Variants in IDE observed in about 807,000 individuals in gnomAD.
The protein encoded by IDE is insulin-degrading enzyme.
In IDE, 58 loss-of-function variants were observed where a neutral mutation model predicts 133.2. The ratio of observed to expected loss-of-function variants is 0.44; its 90% CI spans 0.35 to 0.54. The LOEUF is 0.54. IDE is among the 20% of genes least tolerant of loss of function. The probability of loss-of-function intolerance (pLI) is 0.00; values close to 1 mark genes in which losing one functional copy is unlikely to be tolerated. For missense variants in IDE, 981 were observed against 1,234.0 expected (o/e 0.79, Z 3.07); for synonymous variants, 396 against 421.3 (o/e 0.94, Z 0.73).
At chr10:92,487,044 T>C in intron 13 of IDE, 152 bp downstream of exon 13, 2 of 645,336 alleles carry the variant, frequency 3.1e-6, no homozygotes, top group East Asian at 2.9e-5. Flanking sequence ...CTAATATTTT[T>C]TGTAGTTATT....
intron 22 of IDE, among the ~76,000 whole-genome samples, chr10:92,460,156 T>C (rs939445703): frequency 1.3e-5 from 2 of 152,284 alleles, no homozygotes; most frequent in African/African-American, 4.8e-5. Context: ...CTCTTAAAGC[T>C]TGCTGGGAAG....
intron 2 of IDE, among the ~76,000 whole-genome samples, chr10:92,535,854 G>A (rs1282681256): frequency 6.6e-6 from 1 of 152,080 alleles, no homozygotes; most frequent in Non-Finnish European, 1.5e-5. Flanking sequence ...TGGCCTACAT[G>A]GCAAAACCTC....
intron 11 of IDE, among the ~76,000 whole-genome samples, chr10:92,491,452 C>G (rs982262184): frequency 6.6e-6 from 1 of 152,002 alleles, no homozygotes; most frequent in Admixed American, 6.6e-5. Flanking sequence ...ATGTCTACTA[C>G]AAATACACAG....
chr10:92,493,278 T>C (rs1847474021), intron 11 of IDE, among the ~76,000 whole-genome samples: 1 of 152,184 alleles, frequency 6.6e-6, no homozygotes, highest in Non-Finnish European at 1.5e-5. Flanking sequence ...TCCACTTTTG[T>C]TGATTTCTCA....
Position 92,506,463 on chromosome 10 carries a change from AGATGT to A in IDE, c.1300_1304del (p.Thr434Ter). 1 of 1,575,284 alleles carries A rather than the reference AGATGT, an allele frequency of 6.3e-7. No homozygotes were observed. ...TTACATGCAATATTCCTGCAATCTT[AGATGT>A]ATAGCCCCGTGGCCTCTCTTTGTCT... On this transcript the variant is annotated frameshift_variant, in exon 10 of 25. Coordinates refer to ENST00000265986, the MANE Select transcript of IDE (RefSeq NM_004969.4). LOFTEE classifies it high-confidence loss of function.
At chr10:92,477,005 G>A (rs1428126401) in intron 15 of IDE, among the ~76,000 whole-genome samples, 1 of 152,146 alleles carries the variant, frequency 6.6e-6, no homozygotes, top group Non-Finnish European at 1.5e-5. Context: ...CAAAGTGCTG[G>A]GATTACAGGC....
At chr10:92,519,064 T>G (rs1019927012) in intron 4 of IDE, among the ~76,000 whole-genome samples, 5 of 152,040 alleles carry the variant, frequency 3.3e-5, no homozygotes, top group African/African-American at 1.2e-4. Flanking sequence ...GTATTTAACA[T>G]AATACTTAAT....
chr10:92,472,064 A>G (rs760576563), intron 17 of IDE, among the ~76,000 whole-genome samples: 4 of 152,180 alleles, frequency 2.6e-5, no homozygotes, highest in Admixed American at 2.6e-4. Context: ...AGCCTCTCAC[A>G]CTGAGTTGTT....
chr10:92,478,645 A>G, intron 15 of IDE: 1 of 1,218,856 alleles, frequency 8.2e-7, no homozygotes, highest in Non-Finnish European at 1.0e-6. Flanking sequence ...TTTTACTTAC[A>G]AGTATTGCAT....
At chr10:92,553,541 A>G (rs1242203404) in intron 1 of IDE, among the ~76,000 whole-genome samples, 1 of 152,180 alleles carries the variant, frequency 6.6e-6, no homozygotes, top group Non-Finnish European at 1.5e-5. Context: ...AGACAAGGAC[A>G]TTACAAGAAA....
intron 4 of IDE, among the ~76,000 whole-genome samples, chr10:92,524,267 T>C (rs1302274310): frequency 7.6e-6 from 1 of 131,096 alleles, no homozygotes; most frequent in Non-Finnish European, 1.5e-5. Context: ...ATTGTGCCAC[T>C]GCACTCCAGC....
intron 11 of IDE, among the ~76,000 whole-genome samples, chr10:92,503,483 C>T (rs1321929612): frequency 2.0e-5 from 3 of 152,058 alleles, no homozygotes; most frequent in Non-Finnish European, 2.9e-5. Flanking sequence ...TAAAATCTGG[C>T]TAATAGTATT....
chr10:92,550,799 G>GT (rs1842744691), intron 1 of IDE, among the ~76,000 whole-genome samples: 1 of 152,200 alleles, frequency 6.6e-6, no homozygotes, highest in African/African-American at 2.4e-5. Flanking sequence ...GAACCTGGAA[G>GT]GCAGAGCTTG....
At chr10:92,565,603 C>T (rs2135829405) in intron 1 of IDE, among the ~76,000 whole-genome samples, 1 of 152,094 alleles carries the variant, frequency 6.6e-6, no homozygotes, top group East Asian at 1.9e-4. Context: ...CAAGGCTGCC[C>T]CCTCCCCCAC....
intron 1 of IDE, among the ~76,000 whole-genome samples, chr10:92,563,683 G>A (rs1251628367): frequency 6.6e-6 from 1 of 151,690 alleles, no homozygotes; most frequent in East Asian, 1.9e-4. Flanking sequence ...CTGGGGCAGG[G>A]GGCAGAGGTT....
chr10:92,544,529 G>C lies in IDE; in HGVS notation c.99-6979C>G, dbSNP rs569226524. On this transcript the variant is annotated intron_variant, in intron 1 of 24. Transcript: ENST00000265986. Reference sequence around the variant, plus strand: ...TGGTAAAGCTGGAACTACAGAGAAAGAGGAAGCGTGGGAAGGGGAGGGACA... The same window carrying C: ...TGGTAAAGCTGGAACTACAGAGAAACAGGAAGCGTGGGAAGGGGAGGGACA... Among the ~76,000 whole-genome samples the C allele has an allele frequency of 3.9e-5, 6 of 152,344 alleles. No individual in the cohort carries two copies. In the East Asian group the frequency reaches 1.2e-3, roughly 29 times the overall value.
At chr10:92,516,835 T>A (rs1848955339) in intron 4 of IDE, among the ~76,000 whole-genome samples, 1 of 152,246 alleles carries the variant, frequency 6.6e-6, no homozygotes, top group African/African-American at 2.4e-5. Flanking sequence ...CTAACAGCTC[T>A]CATGAAATCT....
intron 2 of IDE, 22 bp from the exon 3 acceptor site, chr10:92,534,807 T>C (rs761251970): frequency 1.3e-6 from 2 of 1,567,408 alleles, no homozygotes; most frequent in Non-Finnish European, 1.8e-6. Flanking sequence ...AACACGTATA[T>C]AATAAATCAT....
At chr10:92,534,862 T>C in intron 2 of IDE, 77 bp from the exon 3 acceptor site, 1 of 1,031,768 alleles carries the variant, frequency 9.7e-7, no homozygotes, top group Non-Finnish European at 1.5e-6. Flanking sequence ...TTGTAGTTCT[T>C]GTTAGCATGA....
Sources: allele counts gnomAD v4.1 joint callset (sites outside exome capture counted in the v4.1 genomes callset), GRCh38; gene constraint gnomAD v4.1.1; transcripts MANE v1.5; gene names NCBI Gene and HGNC (gene_info 2026-07-23, HGNC 2026-07-21).